The following EDN1 variants were observed in gnomAD, a reference collection of about 807,000 sequenced individuals.
EDN1 encodes the protein endothelin 1.
EDN1 carries 11 observed loss-of-function variants against 21.7 expected under a neutral mutation model. The ratio of observed to expected loss-of-function variants is 0.51; its 90% CI spans 0.32 to 0.84. EDN1 has a LOEUF of 0.84. EDN1 is among the 40% of genes least tolerant of loss of function. EDN1 has a pLI of 0.03. For synonymous variants in EDN1, 85 were observed against 90.6 expected (o/e 0.94, Z 0.35); for missense variants, 244 against 262.3 (o/e 0.93, Z 0.48).
At chr6:12,262,471 T>C in the EDN1 span, among the ~76,000 whole-genome samples, 1 of 151,746 alleles carries the variant, frequency 6.6e-6, no homozygotes, top group Non-Finnish European at 1.5e-5. Flanking sequence ...GAAGCACAAA[T>C]CTGCTGGGAG....
chr6:12,270,642 T>G, the EDN1 span, among the ~76,000 whole-genome samples: 1 of 152,184 alleles, frequency 6.6e-6, no homozygotes. Context: ...AAAAGTTACT[T>G]GACATAATTT....
At chr6:12,263,910 C>G in the EDN1 span, among the ~76,000 whole-genome samples, 1 of 152,130 alleles carries the variant, frequency 6.6e-6, no homozygotes. Flanking sequence ...CTAAAGATCA[C>G]GAAGGTCTAG....
the EDN1 span, among the ~76,000 whole-genome samples, chr6:12,266,308 TGGA>T: frequency 6.6e-6 from 1 of 152,062 alleles, no homozygotes; most frequent in Non-Finnish European, 1.5e-5. Flanking sequence ...AGAAAAGAAG[TGGA>T]GAAGATACTC....
At chr6:12,270,684 G>A in the EDN1 span, among the ~76,000 whole-genome samples, 1 of 152,132 alleles carries the variant, frequency 6.6e-6, no homozygotes, top group Non-Finnish European at 1.5e-5. Context: ...CACTTGGCTT[G>A]TGGCCTAACA....
At chr6:12,278,377 A>G in the EDN1 span, among the ~76,000 whole-genome samples, 1 of 152,036 alleles carries the variant, frequency 6.6e-6, no homozygotes, top group Non-Finnish European at 1.5e-5. Flanking sequence ...CTTTCCTTTT[A>G]TTGAACTGTA....
chr6:12,268,260 C>T, the EDN1 span, among the ~76,000 whole-genome samples: 2 of 152,216 alleles, frequency 1.3e-5, no homozygotes, highest in South Asian at 4.1e-4. Flanking sequence ...ACAGCGATTC[C>T]TCTGATGGAT....
At position 12,296,354 on chromosome 6, in the gene EDN1, C is replaced by A. The variant is rs1004731360; in HGVS notation, c.*287C>A. ...AGTCACATTCGAATTCGGGTGGCAT[C>A]CTCCGGAGAGAGAGAGAGGAAGGAG... On this transcript the variant is annotated 3_prime_UTR_variant, in exon 5 of 5. Transcript: ENST00000379375. 6 of 379,854 alleles carry A rather than the reference C, an allele frequency of 1.6e-5. No homozygotes were observed. The highest frequency in any genetic ancestry group is 2.5e-5 in the Non-Finnish European group (5 of 197,902). 23.5% of individuals were successfully genotyped at this position (379,854 alleles called of 1,614,324 possible). A position where few individuals can be genotyped will look rare whatever the true frequency, so the allele number is the denominator to read the frequency against.
At chr6:12,284,436 C>A in the EDN1 span, among the ~76,000 whole-genome samples, 1 of 151,618 alleles carries the variant, frequency 6.6e-6, no homozygotes, top group Admixed American at 6.6e-5. Flanking sequence ...TGCTTAAGCC[C>A]AGGAGGTCCA....
Position 12,292,466 on chromosome 6 carries a change from G to A in EDN1, c.190G>A (p.Val64Ile). Reference protein sequence around the residue: ...SCSSLMDKECVYFCHLDIIWV... With the variant: ...SCSSLMDKECIYFCHLDIIWV... ...CTCGTCCCTGATGGATAAAGAGTGT[G>A]TCTACTTCTGCCACCTGGACATCAT... Residue 64 changes from valine to isoleucine, a missense_variant, in exon 2 of 5, where the codon GTC becomes ATC. By Grantham distance (29) the Val-to-Ile change is conservative. Transcript: ENST00000379375. 6.2e-7 allele frequency: 1 copy of A among 1,614,220 alleles called. No individual in the cohort carries two copies. The highest frequency in any genetic ancestry group is 1.3e-5 in the African/African-American group (1 of 75,056).
At chr6:12,282,385 G>A in the EDN1 span, among the ~76,000 whole-genome samples, 1 of 152,238 alleles carries the variant, frequency 6.6e-6, no homozygotes, top group Non-Finnish European at 1.5e-5. Context: ...TCTTGAAACT[G>A]TTTGGAAAAA....
the EDN1 span, among the ~76,000 whole-genome samples, chr6:12,259,858 T>C: frequency 1.3e-5 from 2 of 152,060 alleles, no homozygotes; most frequent in East Asian, 3.8e-4. Context: ...TAATATTTAA[T>C]AAGAGCTTCT....
At chr6:12,246,202 C>T in the EDN1 span, among the ~76,000 whole-genome samples, 3 of 152,114 alleles carry the variant, frequency 2.0e-5, no homozygotes, top group African/African-American at 7.2e-5. Context: ...ATGGAAGGTG[C>T]AGGGAAGTGT....
chr6:12,248,107 C>G, the EDN1 span, among the ~76,000 whole-genome samples: 3 of 151,944 alleles, frequency 2.0e-5, no homozygotes, highest in Middle Eastern at 3.4e-3. Context: ...CAAGTCTAAA[C>G]TGAGAACAGT....
In EDN1 at chr6:12,290,614, A is replaced by C. The variant is rs775336555; in HGVS notation, c.-16A>C. The C allele has an allele frequency of 1.2e-6, 2 of 1,613,206 alleles. No homozygotes were observed. Among genetic ancestry groups the C allele is most frequent in the East Asian group, 4.5e-5 (2 of 44,856 alleles). On this transcript the variant is annotated 5_prime_UTR_variant, in exon 1 of 5. Coordinates refer to ENST00000379375, the MANE Select transcript of EDN1 (RefSeq NM_001955.5). ...GTTCAGTTTGAACGGGAGGTTTTTG[A>C]TCCCTTTTTTTCAGAATGGATTATT...
At chr6:12,272,868 A>G in the EDN1 span, among the ~76,000 whole-genome samples, 1 of 152,234 alleles carries the variant, frequency 6.6e-6, no homozygotes, top group African/African-American at 2.4e-5. Context: ...TCAGGTGTGG[A>G]CAGAAAGAGT....
chr6:12,237,475 T>C, the EDN1 span, among the ~76,000 whole-genome samples: 1 of 152,212 alleles, frequency 6.6e-6, no homozygotes, highest in African/African-American at 2.4e-5. Flanking sequence ...ATAAATGTGG[T>C]AAATTTTGAT....
chr6:12,244,999 G>A, the EDN1 span, among the ~76,000 whole-genome samples: 1 of 152,174 alleles, frequency 6.6e-6, no homozygotes, highest in Admixed American at 6.5e-5. Context: ...TGATAACTGA[G>A]TTTAAGATCA....
the EDN1 span, among the ~76,000 whole-genome samples, chr6:12,243,418 A>C: frequency 2.6e-5 from 4 of 152,062 alleles, no homozygotes; most frequent in Admixed American, 2.6e-4. Context: ...AGGCAGGCAC[A>C]CTGGGGGTAA....
chr6:12,294,457 C>T (rs559334694), intron 4 of EDN1, 53 bp downstream of exon 4: 17 of 1,605,972 alleles, frequency 1.1e-5, no homozygotes, highest in Non-Finnish European at 1.3e-5. Context: ...ACAACTAGCC[C>T]CAGTCAGTGA....
Sources: gnomAD v4.1 joint callset for allele counts (sites outside exome capture counted in the v4.1 genomes callset) on GRCh38, gnomAD v4.1.1 for gene constraint, MANE v1.5 for transcripts, NCBI Gene and HGNC (gene_info 2026-07-23, HGNC 2026-07-21) for gene names.